Variants in UACA observed in about 807,000 individuals in gnomAD.
UACA encodes uveal autoantigen with coiled-coil domains and ankyrin repeats.
A neutral mutation model predicts 160.5 loss-of-function variants in UACA; 112 were observed. The observed-to-expected ratio is 0.70, with a 90% CI of 0.60 to 0.82. The LOEUF (loss-of-function observed/expected upper bound fraction) is 0.82. UACA is among the 40% of genes least tolerant of loss of function. UACA has a pLI of 0.00. For missense variants in UACA, 1,574 were observed against 1,614.6 expected (o/e 0.97, Z 0.43); for synonymous variants, 557 against 568.4 (o/e 0.98, Z 0.29).
At chr15:70,729,444 A>G (rs188070732) in intron 1 of UACA, among the ~76,000 whole-genome samples, 29 of 152,312 alleles carry the variant, frequency 1.9e-4, no homozygotes, top group Admixed American at 1.8e-3. Context: ...ACAGAAAACC[A>G]AATCCCACAT....
At position 70,712,910 on chromosome 15, in the gene UACA, A is replaced by C. The variant is rs555511868; in HGVS notation, c.79-13250T>G. Among the ~76,000 whole-genome samples the C allele has an allele frequency of 2.0e-4, 30 of 152,370 alleles. No individual in the cohort carries two copies. The South Asian group carries it at 5.0e-3, about 25-fold the overall frequency. On this transcript the variant is annotated intron_variant, in intron 1 of 18. Transcript: ENST00000322954. Reference sequence around the variant, plus strand: ...TATAGCAAAAAGGATGAAAACTTCCATATTTGCATATGCAAACTTTTATGA... The same window carrying C: ...TATAGCAAAAAGGATGAAAACTTCCCTATTTGCATATGCAAACTTTTATGA...
chr15:70,767,807 A>G (rs1207183600), upstream of UACA, among the ~76,000 whole-genome samples: 1 of 152,148 alleles, frequency 6.6e-6, no homozygotes, highest in East Asian at 1.9e-4. Context: ...GACATCAGTC[A>G]TTCTCTCAGA....
At chr15:70,753,243 T>A (rs1221879498) in intron 1 of UACA, among the ~76,000 whole-genome samples, 1 of 152,178 alleles carries the variant, frequency 6.6e-6, no homozygotes, top group Non-Finnish European at 1.5e-5. Flanking sequence ...CAGAAATATG[T>A]TCACCCTCCC....
At chr15:70,774,622 T>C in the UACA span, among the ~76,000 whole-genome samples, 1 of 151,594 alleles carries the variant, frequency 6.6e-6, no homozygotes, top group African/African-American at 2.4e-5. Flanking sequence ...AATCGTGTCA[T>C]GTAGTTATGA....
chr15:70,716,467 C>T (rs904236518), intron 1 of UACA, among the ~76,000 whole-genome samples: 1 of 152,166 alleles, frequency 6.6e-6, no homozygotes, highest in East Asian at 1.9e-4. Context: ...TTATAAGCCA[C>T]TAAATTTAAA....
chr15:70,660,530 C>T (rs979345020), intron 17 of UACA: 1 of 274,448 alleles, frequency 3.6e-6, no homozygotes. Context: ...CAAACGCTTC[C>T]CATCCTGTCT....
chr15:70,735,212 G>A (rs1052541697), intron 1 of UACA, among the ~76,000 whole-genome samples: 1 of 145,928 alleles, frequency 6.9e-6, no homozygotes, highest in East Asian at 2.0e-4. Flanking sequence ...CAGAGGGATG[G>A]GGGGAAGGGC....
chr15:70,766,486 G>A (rs1242655601), upstream of UACA, among the ~76,000 whole-genome samples: 2 of 151,250 alleles, frequency 1.3e-5, no homozygotes, highest in African/African-American at 2.4e-5. Context: ...ATATATACCA[G>A]GAAGGGTAAT....
chr15:70,775,454 G>A, the UACA span, among the ~76,000 whole-genome samples: 1 of 152,134 alleles, frequency 6.6e-6, no homozygotes, highest in Non-Finnish European at 1.5e-5. Flanking sequence ...TGGGATCTCA[G>A]AACTGCAGTC....
intron 1 of UACA, among the ~76,000 whole-genome samples, chr15:70,700,301 G>GTATATATATATA (rs142277997): frequency 6.5e-4 from 85 of 129,904 alleles, no homozygotes; most frequent in African/African-American, 2.8e-3. Flanking sequence ...GAGGCAAATT[G>GTATATATATATA]TATATATATA....
At chr15:70,724,119 G>A (rs899534594) in intron 1 of UACA, among the ~76,000 whole-genome samples, 3 of 152,196 alleles carry the variant, frequency 2.0e-5, no homozygotes, top group Admixed American at 1.3e-4. Context: ...AGAGCAAGGA[G>A]TACATGTTCG....
Position 70,656,621 on chromosome 15 carries a change from A to C in UACA, c.*435T>G, listed in dbSNP as rs1896481231. 1 of 154,280 alleles carries C rather than the reference A, an allele frequency of 6.5e-6. No individual in the cohort carries two copies. Among genetic ancestry groups the C allele is most frequent in the African/African-American group, 2.4e-5 (1 of 41,474 alleles). 9.6% of individuals were successfully genotyped at this position (154,280 alleles called of 1,614,324 possible). A position where few individuals can be genotyped will look rare whatever the true frequency, so the allele number is the denominator to read the frequency against. ...CCAGCCAAGTTACAACACATTCCTC[A>C]CAACTGTATTATGTCTCAAGGTTCT... On this transcript the variant is annotated 3_prime_UTR_variant, in exon 19 of 19. Transcript: ENST00000322954.
In UACA at chr15:70,674,921, C is replaced by A. The variant is rs28367275; in HGVS notation, c.1131+1572G>T. On this transcript the variant is annotated intron_variant, in intron 13 of 18. Coordinates refer to ENST00000322954, the MANE Select transcript of UACA (RefSeq NM_018003.4). Reference sequence around the variant, plus strand: ...GCCTATACCTTACACTTAAGACATGCGAAAGTCTAGCTCCTAGAAGAAATA... The same window carrying A: ...GCCTATACCTTACACTTAAGACATGAGAAAGTCTAGCTCCTAGAAGAAATA... 2.0e-5 allele frequency among the ~76,000 whole-genome samples: 3 copies of A among 152,076 alleles called. No individual in the cohort carries two copies. In the South Asian group the frequency reaches 6.2e-4, roughly 32 times the overall value.
chr15:70,738,498 T>G (rs899777236), intron 1 of UACA, among the ~76,000 whole-genome samples: 1 of 152,124 alleles, frequency 6.6e-6, no homozygotes, highest in African/African-American at 2.4e-5. Context: ...ATTATTTAGA[T>G]TGGCATTCAA....
chr15:70,749,296 G>A (rs1340863789), intron 1 of UACA: 1 of 383,348 alleles, frequency 2.6e-6, no homozygotes, highest in Admixed American at 2.9e-5. Context: ...GGAGGCCGAA[G>A]TGGGCGGATC....
intron 7 of UACA, among the ~76,000 whole-genome samples, chr15:70,685,203 G>A (rs918660801): frequency 6.6e-6 from 1 of 152,018 alleles, no homozygotes; most frequent in Admixed American, 6.6e-5. Context: ...AGAACCACTG[G>A]CACTCAAACA....
intron 1 of UACA, among the ~76,000 whole-genome samples, chr15:70,729,421 A>G (rs1334177708): frequency 1.3e-5 from 2 of 152,140 alleles, no homozygotes; most frequent in African/African-American, 4.8e-5. Flanking sequence ...ATCCCACGCA[A>G]ATTAATGCAG....
chr15:70,701,225 C>A (rs939121030), intron 1 of UACA, among the ~76,000 whole-genome samples: 1 of 152,152 alleles, frequency 6.6e-6, no homozygotes, highest in Non-Finnish European at 1.5e-5. Context: ...AAAGTTTAAA[C>A]TGCCAACTAT....
intron 1 of UACA, among the ~76,000 whole-genome samples, chr15:70,726,938 G>A (rs888395347): frequency 6.6e-6 from 1 of 152,140 alleles, no homozygotes; most frequent in Non-Finnish European, 1.5e-5. Context: ...AGCAGAGGAT[G>A]AGTGGTGATG....
Sources: allele counts gnomAD v4.1 joint callset (sites outside exome capture counted in the v4.1 genomes callset), GRCh38; gene constraint gnomAD v4.1.1; transcripts MANE v1.5; gene names NCBI Gene and HGNC (gene_info 2026-07-23, HGNC 2026-07-21).